NPAS2: variants seen among roughly 807,000 people sequenced by gnomAD.
NPAS2 encodes the protein neuronal PAS domain protein 2, also known as neuronal PAS domain-containing protein 2.
In NPAS2, 23 loss-of-function variants were observed where a neutral mutation model predicts 107.5. That is an observed-to-expected ratio of 0.21 (90% CI 0.15 to 0.30). The LOEUF (loss-of-function observed/expected upper bound fraction) is 0.30. Ranked by LOEUF, NPAS2 falls within the 10% of genes least tolerant of loss-of-function variation. The pLI, the probability that NPAS2 is intolerant of heterozygous loss-of-function variation, is 1.00. For missense variants in NPAS2, 756 were observed against 1,043.3 expected, an observed-to-expected ratio of 0.72 and a Z score of 3.79; for synonymous variants, 403 against 417.5, an observed-to-expected ratio of 0.97 and a Z score of 0.42.
chr2:100,937,900 T>A, intron 5 of NPAS2, 58 bp downstream of exon 5: 1 of 1,282,646 alleles, frequency 7.8e-7, no homozygotes. Context: ...CTGTTGAGAA[T>A]CATTAGATCT....
intron 7 of NPAS2, among the ~76,000 whole-genome samples, chr2:100,950,126 A>G (rs1382930284): frequency 6.6e-6 from 1 of 152,260 alleles, no homozygotes; most frequent in African/African-American, 2.4e-5. Context: ...CAAAATGGAA[A>G]TGCAGGCCTG....
rs546922296 is a variant in NPAS2, at chr2:100,944,835, G to A, written c.364-3400G>A. Among the ~76,000 whole-genome samples, 4 of 152,112 alleles carry A rather than the reference G, an allele frequency of 2.6e-5. No individual in the cohort carries two copies. In the South Asian group the frequency reaches 8.3e-4, roughly 32 times the overall value. On this transcript the variant is annotated intron_variant, in intron 5 of 20. Transcript: ENST00000335681. ...AACCCGTGTCCTGATATTGGCCCTCGGACCTGTATCAGTAAAGTTCTCTCA... is the reference window on the plus strand; with the variant it reads ...AACCCGTGTCCTGATATTGGCCCTCAGACCTGTATCAGTAAAGTTCTCTCA...
chr2:100,873,259 A>C (rs1679695475), intron 1 of NPAS2, among the ~76,000 whole-genome samples: 1 of 121,700 alleles, frequency 8.2e-6, no homozygotes, highest in Non-Finnish European at 1.6e-5. Context: ...CTCAAAAAAA[A>C]AAAAAAAAAA....
intron 16 of NPAS2, 115 bp downstream of exon 16, chr2:100,982,492 C>A: frequency 8.1e-7 from 1 of 1,229,720 alleles, no homozygotes; most frequent in Non-Finnish European, 1.1e-6. Flanking sequence ...CCTGCCAAGC[C>A]CCATTTGCTT....
At chr2:100,913,785 C>T (rs139815986) in intron 2 of NPAS2, among the ~76,000 whole-genome samples, 19 of 152,278 alleles carry the variant, frequency 1.2e-4, no homozygotes, top group East Asian at 1.2e-3. Flanking sequence ...ACTATGCATG[C>T]GTTCTTGTGA....
intron 2 of NPAS2, among the ~76,000 whole-genome samples, chr2:100,911,567 C>T (rs1344236471): frequency 6.6e-6 from 1 of 152,038 alleles, no homozygotes; most frequent in African/African-American, 2.4e-5. Flanking sequence ...TAGAATCATA[C>T]CACCTGGAGA....
intron 5 of NPAS2, among the ~76,000 whole-genome samples, chr2:100,941,896 A>C (rs1401089164): frequency 1.3e-5 from 2 of 152,170 alleles, no homozygotes; most frequent in African/African-American, 2.4e-5. Flanking sequence ...TCCTAGATGC[A>C]GTGTTGCCTA....
intron 15 of NPAS2, among the ~76,000 whole-genome samples, chr2:100,980,621 C>A (rs1030788280): frequency 1.3e-5 from 2 of 152,074 alleles, no homozygotes; most frequent in African/African-American, 4.8e-5. Flanking sequence ...GGGTGCCCAC[C>A]ACCACGCCTG....
intron 1 of NPAS2, among the ~76,000 whole-genome samples, chr2:100,895,259 A>C (rs1381357521): frequency 1.3e-5 from 2 of 152,198 alleles, no homozygotes; most frequent in Non-Finnish European, 2.9e-5. Context: ...TTCTGCAGCT[A>C]CAATTTTGTG....
At chr2:100,920,820 T>G (rs777473204) in intron 2 of NPAS2, among the ~76,000 whole-genome samples, 11 of 152,232 alleles carry the variant, frequency 7.2e-5, no homozygotes, top group Admixed American at 2.6e-4. Flanking sequence ...AGCACAATCC[T>G]GCTCTCTCCA....
intron 1 of NPAS2, chr2:100,901,416 G>C: frequency 2.2e-6 from 1 of 461,156 alleles, no homozygotes; most frequent in Non-Finnish European, 2.8e-6. Context: ...CAAACTGGGG[G>C]GGATGTTACA....
chr2:100,881,154 C>A (rs544175133), intron 1 of NPAS2, among the ~76,000 whole-genome samples: 91 of 152,362 alleles, frequency 6.0e-4, no homozygotes, highest in African/African-American at 2.2e-3. Context: ...TAGGTGGAAA[C>A]AGATGACCTT....
chr2:100,845,732 G>A (rs1391739017), intron 1 of NPAS2, among the ~76,000 whole-genome samples: 1 of 152,160 alleles, frequency 6.6e-6, no homozygotes, highest in Non-Finnish European at 1.5e-5. Flanking sequence ...GCTTCTCTGA[G>A]AGGCATGCTG....
At chr2:100,975,405 G>A in intron 13 of NPAS2, 53 bp from the exon 14 acceptor site, 4 of 1,487,396 alleles carry the variant, frequency 2.7e-6, no homozygotes, top group Non-Finnish European at 2.8e-6. Context: ...CTCTTCGGAT[G>A]AGTACATGCT....
intron 1 of NPAS2, chr2:100,821,326 T>C: frequency 3.8e-6 from 3 of 794,028 alleles, no homozygotes; most frequent in Non-Finnish European, 1.8e-6. Flanking sequence ...CGAGCTTGTG[T>C]CCGGGAGGCT....
chr2:100,969,328 C>T (rs1418840235), intron 11 of NPAS2, among the ~76,000 whole-genome samples: 1 of 152,108 alleles, frequency 6.6e-6, no homozygotes, highest in Non-Finnish European at 1.5e-5. Flanking sequence ...AGGTATTTGT[C>T]CTAATGCTCT....
chr2:100,867,977 TTTAA>T (rs1168497250), intron 1 of NPAS2, among the ~76,000 whole-genome samples: 2 of 152,220 alleles, frequency 1.3e-5, no homozygotes, highest in East Asian at 1.9e-4. Flanking sequence ...TAAATTTCAA[TTTAA>T]TTAATGAAAA....
chr2:100,871,815 C>G lies in NPAS2; in HGVS notation c.-22-32918C>G, dbSNP rs116349802. Among the ~76,000 whole-genome samples, 1,077 of 152,236 alleles carry G rather than the reference C, an allele frequency of 7.1e-3. 8 individuals carry two copies. Among genetic ancestry groups the G allele is most frequent in the African/African-American group, 0.024 (999 of 41,550 alleles). On this transcript the variant is annotated intron_variant, in intron 1 of 20. Transcript: ENST00000335681. ...AAATTCATCTCTGCATGCTGAAAGA[C>G]ATTGTAGTAGCTTGCCCTTGGAAAC...
At chr2:100,910,291 A>G (rs1390616515) in intron 2 of NPAS2, among the ~76,000 whole-genome samples, 3 of 152,168 alleles carry the variant, frequency 2.0e-5, no homozygotes, top group African/African-American at 4.8e-5. Flanking sequence ...AAGAGTCACT[A>G]TGAAATTAGG....
Sources: gnomAD v4.1 joint callset for allele counts (sites outside exome capture counted in the v4.1 genomes callset) on GRCh38, gnomAD v4.1.1 for gene constraint, MANE v1.5 for transcripts, NCBI Gene and HGNC (gene_info 2026-07-23, HGNC 2026-07-21) for gene names.